Variants in GTF2E2 observed in about 807,000 individuals in gnomAD.
GTF2E2 encodes the protein transcription initiation factor IIE subunit beta.
GTF2E2 carries 21 observed loss-of-function variants against 40.5 expected under a neutral mutation model. The observed-to-expected ratio is 0.52, with a 90% CI of 0.37 to 0.75. The LOEUF (loss-of-function observed/expected upper bound fraction) is 0.75. GTF2E2 is among the 30% of genes least tolerant of loss of function. GTF2E2 has a pLI of 0.00. For missense variants in GTF2E2, 298 were observed against 338.4 expected, an observed-to-expected ratio of 0.88 and a Z score of 0.94; for synonymous variants, 117 against 121.6, an observed-to-expected ratio of 0.96 and a Z score of 0.25.
Position 30,653,608 on chromosome 8 carries a change from A to C in GTF2E2, c.-4-6T>G, listed in dbSNP as rs371976696. The stretch of plus-strand genomic sequence containing the variant: ...ACAGGCTTGGATCCATAATGCTACA[A>C]AGAAAAAATAAGTGTCTTTAATACA... On this transcript the variant is annotated splice_region_variant and splice_polypyrimidine_tract_variant and intron_variant, in intron 1 of 7. Transcript: ENST00000355904. The C allele has an allele frequency of 8.2e-5, 131 of 1,599,866 alleles. No individual in the cohort carries two copies. The African/African-American group carries it at 1.6e-3, about 20-fold the overall frequency.
chr8:30,620,700 G>A (rs115529456), intron 3 of GTF2E2, among the ~76,000 whole-genome samples: 2,100 of 80,636 alleles, frequency 0.026, 83 homozygotes, highest in African/African-American at 0.12. Flanking sequence ...TGACGTGGGT[G>A]AATCACCTGA....
chr8:30,612,654 T>TGCCTCCCTCC (rs1829512426), intron 4 of GTF2E2, among the ~76,000 whole-genome samples, 173 bp from the exon 5 acceptor site: 1 of 152,074 alleles, frequency 6.6e-6, no homozygotes, highest in East Asian at 1.9e-4. Context: ...AGCCTCCCTC[T>TGCCTCCCTCC]CCTGCCTCCC....
chr8:30,625,299 T>C (rs958593449), intron 3 of GTF2E2, among the ~76,000 whole-genome samples: 4 of 152,158 alleles, frequency 2.6e-5, no homozygotes, highest in African/African-American at 7.2e-5. Flanking sequence ...GTTCTGTTTA[T>C]ATGCTGGATT....
chr8:30,616,807 T>TA (rs11292387), intron 3 of GTF2E2, among the ~76,000 whole-genome samples: 57 of 151,486 alleles, frequency 3.8e-4, no homozygotes, highest in Non-Finnish European at 7.2e-4. Flanking sequence ...AAAACTGCTC[T>TA]AAAAAAAAAA....
intron 5 of GTF2E2, among the ~76,000 whole-genome samples, chr8:30,610,304 G>A (rs1272778341): frequency 6.6e-6 from 1 of 151,902 alleles, no homozygotes; most frequent in Non-Finnish European, 1.5e-5. Context: ...AAATTAGTTG[G>A]GTGTGGTGGT....
At chr8:30,632,638 TGAAGGGAG>T (rs902590007) in intron 3 of GTF2E2, among the ~76,000 whole-genome samples, 1 of 152,166 alleles carries the variant, frequency 6.6e-6, no homozygotes, top group African/African-American at 2.4e-5. Flanking sequence ...AAAGTACCTA[TGAAGGGAG>T]GGAGGGGAAC....
intron 1 of GTF2E2, among the ~76,000 whole-genome samples, chr8:30,656,176 T>C (rs1427537085): frequency 1.3e-5 from 2 of 152,112 alleles, no homozygotes; most frequent in African/African-American, 2.4e-5. Context: ...TTCAATTTCA[T>C]AAGTGAAATG....
At chr8:30,627,156 T>C (rs1412738571) in intron 3 of GTF2E2, among the ~76,000 whole-genome samples, 1 of 152,170 alleles carries the variant, frequency 6.6e-6, no homozygotes, top group Admixed American at 6.5e-5. Flanking sequence ...GACAAATTGA[T>C]GACATGTCAC....
At position 30,620,930 on chromosome 8, in the gene GTF2E2, GA is replaced by G. The variant is rs60829571; in HGVS notation, c.259-6216del. Among the ~76,000 whole-genome samples the G allele has an allele frequency of 8.3e-3, 1,160 of 139,754 alleles. 19 individuals carry two copies. The highest frequency in any genetic ancestry group is 0.023 in the African/African-American group (891 of 37,946). 91.7% of individuals were successfully genotyped at this position (139,754 alleles called of 152,430 possible). ...GGAAACAGAGTGATATTACATCTTG[GA>G]AAAAAAAAAAAATGAGGTAGCTAAG... On this transcript the variant is annotated intron_variant, in intron 3 of 7. Coordinates refer to ENST00000355904, the MANE Select transcript of GTF2E2 (RefSeq NM_002095.6).
intron 6 of GTF2E2, among the ~76,000 whole-genome samples, chr8:30,598,278 TA>T (rs1829071213): frequency 6.6e-6 from 1 of 152,242 alleles, no homozygotes; most frequent in African/African-American, 2.4e-5. Context: ...TTCTACCTGA[TA>T]TGCAAAGAAG....
intron 2 of GTF2E2, among the ~76,000 whole-genome samples, chr8:30,642,679 C>T (rs1020680007): frequency 1.3e-5 from 2 of 152,180 alleles, no homozygotes; most frequent in African/African-American, 4.8e-5. Context: ...TTCCCTCTTC[C>T]TATATACACT....
intron 3 of GTF2E2, among the ~76,000 whole-genome samples, chr8:30,621,366 C>A (rs540133316): frequency 2.0e-5 from 3 of 152,004 alleles, no homozygotes; most frequent in Non-Finnish European, 1.5e-5. Flanking sequence ...TTTGTAAACA[C>A]AGAAGCCAAA....
intron 6 of GTF2E2, among the ~76,000 whole-genome samples, chr8:30,594,014 T>C (rs562465292): frequency 2.0e-5 from 3 of 152,104 alleles, no homozygotes; most frequent in Non-Finnish European, 4.4e-5. Flanking sequence ...CACTGCAGCC[T>C]CCGCCTCTTG....
chr8:30,634,072 T>C (rs1176368493), intron 3 of GTF2E2, among the ~76,000 whole-genome samples: 1 of 152,198 alleles, frequency 6.6e-6, no homozygotes. Context: ...GAATAAGAGT[T>C]TGGCAAAAGA....
chr8:30,639,483 T>C (rs1222510226), intron 2 of GTF2E2, among the ~76,000 whole-genome samples: 3 of 152,178 alleles, frequency 2.0e-5, no homozygotes, highest in African/African-American at 7.2e-5. Context: ...TTTGATAAAC[T>C]GCATTTTAAA....
At chr8:30,595,500 C>A (rs1828974439) in intron 6 of GTF2E2, among the ~76,000 whole-genome samples, 1 of 152,112 alleles carries the variant, frequency 6.6e-6, no homozygotes, top group South Asian at 2.1e-4. Flanking sequence ...CTCTCCATTT[C>A]TGTTTCTCTG....
At chr8:30,645,444 A>C (rs1395442634) in intron 2 of GTF2E2, 1 of 1,535,656 alleles carries the variant, frequency 6.5e-7, no homozygotes, top group Non-Finnish European at 8.7e-7. Context: ...TTATATTTAC[A>C]GTGGTATCTT....
chr8:30,628,559 T>C (rs921282561), intron 3 of GTF2E2, among the ~76,000 whole-genome samples: 1 of 152,230 alleles, frequency 6.6e-6, no homozygotes, highest in Non-Finnish European at 1.5e-5. Context: ...AGTAAGAAGA[T>C]TGAGAAAGGC....
chr8:30,636,923 T>G, intron 2 of GTF2E2: 1 of 431,022 alleles, frequency 2.3e-6, no homozygotes, highest in South Asian at 1.7e-5. Context: ...TATGAAATAT[T>G]ACCTACGTAG....
Sources: gnomAD v4.1 joint callset for allele counts (sites outside exome capture counted in the v4.1 genomes callset) on GRCh38, gnomAD v4.1.1 for gene constraint, MANE v1.5 for transcripts, NCBI Gene and HGNC (gene_info 2026-07-23, HGNC 2026-07-21) for gene names.